The following CILK1 variants were observed in gnomAD, a reference collection of about 807,000 sequenced individuals.
CILK1 encodes the protein ciliogenesis associated kinase 1, also known as serine/threonine-protein kinase ICK.
Under a neutral mutation model 79.2 loss-of-function variants are expected in CILK1, and 47 were observed. The ratio of observed to expected loss-of-function variants is 0.59; its 90% confidence interval spans 0.47 to 0.76. The LOEUF (loss-of-function observed/expected upper bound fraction) is 0.76, where lower values mean the gene tolerates loss of function less well. CILK1 is among the 30% of genes least tolerant of loss of function. The probability of loss-of-function intolerance (pLI) is 0.00; values close to 1 mark genes in which losing one functional copy is unlikely to be tolerated. For synonymous variants in CILK1, 266 were observed against 275.9 expected (o/e 0.96, Z 0.36); for missense variants, 660 against 769.5 (o/e 0.86, Z 1.68).
At chr6:53,012,806 T>C (rs572675306) in intron 9 of CILK1, among the ~76,000 whole-genome samples, 1 of 152,298 alleles carries the variant, frequency 6.6e-6, no homozygotes, top group South Asian at 2.1e-4. Flanking sequence ...AGTCAGCAAA[T>C]ACTAACTGAC....
chr6:53,012,180 C>A lies in CILK1; in HGVS notation c.1200G>T (p.Lys400Asn). The A allele has an allele frequency of 1.2e-6, 2 of 1,614,166 alleles. No homozygotes were observed. Among genetic ancestry groups the A allele is most frequent in the East Asian group, 4.5e-5 (2 of 44,882 alleles). ...AAATAAGACCCCACCTTCTCCTACT[C>A]TTTGGCTTTATCTCACCATTTTTGT... Reference protein sequence around the residue: ...LEHKNGEIKPKSRRRWGLISR... With the variant: ...LEHKNGEIKPNSRRRWGLISR... Residue 400 changes from lysine (K) to asparagine (N), a missense_variant, in exon 10 of 14, where the codon AAG becomes AAT. By Grantham distance (94) the Lys-to-Asn change is moderately conservative. Coordinates refer to ENST00000676107, the MANE Select transcript of CILK1 (RefSeq NM_014920.5).
intron 11 of CILK1, among the ~76,000 whole-genome samples, chr6:53,010,386 C>T (rs1019035162): frequency 2.0e-5 from 3 of 152,230 alleles, no homozygotes; most frequent in Non-Finnish European, 2.9e-5. Context: ...CCTGTGCCGC[C>T]ATCTCCCTCA....
In CILK1 at chr6:53,002,331, T is replaced by A. The variant is rs1429805143; in HGVS notation, c.*2818A>T. 1 of 152,248 alleles carries A rather than the reference T, an allele frequency of 6.6e-6. No homozygotes were observed. The highest frequency in any genetic ancestry group is 1.9e-4 in the East Asian group (1 of 5,200). 9.4% of individuals were successfully genotyped at this position (152,248 alleles called of 1,614,324 possible). A position where few individuals can be genotyped will look rare whatever the true frequency, so the allele number is the denominator to read the frequency against. ...GCACGAAATGAGAACCAACCCTGTA[T>A]CATTTCCTGACATCCCAGTAAGCTT... On this transcript the variant is annotated 3_prime_UTR_variant, in exon 14 of 14. Transcript: ENST00000676107.
In CILK1 at chr6:53,004,985, A is replaced by G; in HGVS notation, c.*164T>C. 1.4e-6 allele frequency: 1 copy of G among 731,026 alleles called. No individual in the cohort carries two copies. Among genetic ancestry groups the G allele is most frequent in the Non-Finnish European group, 2.2e-6 (1 of 456,804 alleles). 45.3% of individuals were successfully genotyped at this position (731,026 alleles called of 1,614,324 possible). A position where few individuals can be genotyped will look rare whatever the true frequency, so the allele number is the denominator to read the frequency against. ...CTGCATTCAAATCAATATTTTAAAA[A>G]AAAACTTTAAAAAAGAATATTGACA... On this transcript the variant is annotated 3_prime_UTR_variant, in exon 14 of 14. Coordinates refer to ENST00000676107, the MANE Select transcript of CILK1 (RefSeq NM_014920.5).
intron 2 of CILK1, among the ~76,000 whole-genome samples, chr6:53,039,768 A>C (rs1766584378): frequency 6.6e-6 from 1 of 152,228 alleles, no homozygotes. Context: ...GTATGTTTAA[A>C]ATAATCCCTT....
chr6:53,016,100 G>A lies in CILK1; in HGVS notation c.814C>T (p.Arg272Ter), dbSNP rs772883200. Residue 272 changes from arginine to a stop codon, truncating the protein, a stop_gained, in exon 8 of 14, where the codon CGA becomes TGA. Coordinates refer to ENST00000676107, the MANE Select transcript of CILK1 (RefSeq NM_014920.5). LOFTEE classifies it high-confidence loss of function. ...AAGAAAACCTGACTAGCTGTTGGTC[G>A]TTTCTTGGGATCCCACTGAAGCATG... ...RDMLQWDPKK[R>*]PTASQALRYP... 8 of 1,613,906 alleles carry A rather than the reference G, an allele frequency of 5.0e-6. No homozygotes were observed. Among genetic ancestry groups the A allele is most frequent in the Admixed American group, 1.7e-5 (1 of 59,998 alleles).
chr6:53,044,542 C>G (rs549364804), intron 1 of CILK1, among the ~76,000 whole-genome samples: 1 of 152,294 alleles, frequency 6.6e-6, no homozygotes, highest in South Asian at 2.1e-4. Flanking sequence ...AATTTATTCT[C>G]AAGTGGGTAG....
intron 1 of CILK1, among the ~76,000 whole-genome samples, chr6:53,055,299 G>A (rs1234129078): frequency 6.6e-6 from 1 of 152,184 alleles, no homozygotes; most frequent in Non-Finnish European, 1.5e-5. Context: ...AAAAGTCAGT[G>A]AATACTGTTA....
chr6:53,019,403 T>A lies in CILK1; in HGVS notation c.359-44A>T, dbSNP rs780174249. 1.9e-6 allele frequency: 3 copies of A among 1,608,330 alleles called. No homozygotes were observed. The African/African-American group carries it at 4.0e-5, about 21-fold the overall frequency. Reference sequence around the variant, plus strand: ...AGAAGAAATCCAAATGCAAGTTTGCTTCGTATTATTCTTTGCAATTGTATT... The same window carrying A: ...AGAAGAAATCCAAATGCAAGTTTGCATCGTATTATTCTTTGCAATTGTATT... On this transcript the variant is annotated intron_variant, in intron 5 of 13. Transcript: ENST00000676107.
At chr6:53,036,973 CT>C (rs1210688843) in intron 3 of CILK1, among the ~76,000 whole-genome samples, 1 of 152,016 alleles carries the variant, frequency 6.6e-6, no homozygotes, top group Non-Finnish European at 1.5e-5. Flanking sequence ...TCAATATGAC[CT>C]TTTAGTCCTA....
intron 5 of CILK1, among the ~76,000 whole-genome samples, chr6:53,019,843 T>TG (rs1420238189): frequency 1.3e-5 from 2 of 151,544 alleles, no homozygotes; most frequent in Non-Finnish European, 1.5e-5. Flanking sequence ...TTTTTTTTTT[T>TG]TTTGTTTTTG....
At chr6:53,039,987 T>G (rs1177517256) in intron 2 of CILK1, among the ~76,000 whole-genome samples, 1 of 151,668 alleles carries the variant, frequency 6.6e-6, no homozygotes, top group Non-Finnish European at 1.5e-5. Context: ...GACTCCCAGG[T>G]TTTGAGGGTA....
chr6:53,034,841 T>C (rs964635730), intron 3 of CILK1, among the ~76,000 whole-genome samples: 1 of 152,072 alleles, frequency 6.6e-6, no homozygotes, highest in African/African-American at 2.4e-5. Flanking sequence ...GAGTGGTCAG[T>C]GGGAGCATCA....
At chr6:53,037,842 A>G in intron 3 of CILK1, 97 bp downstream of exon 3, 1 of 766,044 alleles carries the variant, frequency 1.3e-6, no homozygotes, top group Middle Eastern at 3.3e-4. Context: ...CATTAGTGAA[A>G]AAATTCAAAT....
At chr6:53,014,634 T>C (rs1764787178) in intron 8 of CILK1, among the ~76,000 whole-genome samples, 1 of 152,226 alleles carries the variant, frequency 6.6e-6, no homozygotes, top group Non-Finnish European at 1.5e-5. Flanking sequence ...CATAACATAA[T>C]CTTTCTGAGT....
intron 1 of CILK1, 27 bp from the exon 2 acceptor site, chr6:53,041,435 T>C: frequency 1.8e-6 from 1 of 564,976 alleles, no homozygotes; most frequent in Non-Finnish European, 3.2e-6. Context: ...GAGACAAGGA[T>C]AAATGTTAAT....
At chr6:53,047,618 T>C (rs532006820) in intron 1 of CILK1, among the ~76,000 whole-genome samples, 105 of 151,264 alleles carry the variant, frequency 6.9e-4, no homozygotes, top group Non-Finnish European at 1.2e-3. Flanking sequence ...CACGCAGGAG[T>C]TTGATTTTTA....
rs376706125 is a variant in CILK1, at chr6:53,024,211, C to T, written c.359-4852G>A. ...TACACACCTAATGGCCTTCCTCATA[C>T]AATTCCTTGAAATATCCTAGTGAAC... On this transcript the variant is annotated intron_variant, in intron 5 of 13. Transcript: ENST00000676107. 7.2e-5 allele frequency among the ~76,000 whole-genome samples: 11 copies of T among 152,324 alleles called. No homozygotes were observed. The East Asian group carries it at 1.7e-3, about 24-fold the overall frequency.
chr6:53,052,886 G>A (rs973237143), intron 1 of CILK1, among the ~76,000 whole-genome samples: 13 of 151,740 alleles, frequency 8.6e-5, no homozygotes, highest in South Asian at 4.2e-4. Context: ...CAGGCTGGGC[G>A]TGTGCTCTGC....
Sources: allele counts gnomAD v4.1 joint callset (sites outside exome capture counted in the v4.1 genomes callset), GRCh38; gene constraint gnomAD v4.1.1; transcripts MANE v1.5; gene names NCBI Gene and HGNC (gene_info 2026-07-23, HGNC 2026-07-21).